NALCN: variants seen among roughly 807,000 people sequenced by gnomAD.
NALCN encodes the protein sodium leak channel NALCN.
Under a neutral mutation model 225.3 loss-of-function variants are expected in NALCN, and 111 were observed. The ratio of observed to expected loss-of-function variants is 0.49; its 90% CI spans 0.42 to 0.58. The LOEUF is 0.58. Ranked by LOEUF, NALCN falls within the 20% of genes least tolerant of loss-of-function variation. The pLI is 0.00. For missense variants in NALCN, 1,378 were observed against 2,202.4 expected (o/e 0.63, Z 7.49); for synonymous variants, 764 against 769.0 (o/e 0.99, Z 0.11).
intron 13 of NALCN, among the ~76,000 whole-genome samples, chr13:101,218,763 C>G (rs554653294): frequency 6.6e-6 from 1 of 152,226 alleles, no homozygotes; most frequent in Non-Finnish European, 1.5e-5. Context: ...CCTGCTTCCC[C>G]TTTGCCTTCT....
At chr13:101,369,900 G>A (rs1002374109) in intron 6 of NALCN, among the ~76,000 whole-genome samples, 6 of 152,050 alleles carry the variant, frequency 3.9e-5, no homozygotes, top group East Asian at 3.8e-4. Context: ...TTCTTACTCC[G>A]TATATGAACT....
intron 17 of NALCN, among the ~76,000 whole-genome samples, chr13:101,132,483 T>A (rs931373878): frequency 6.6e-6 from 1 of 152,152 alleles, no homozygotes; most frequent in African/African-American, 2.4e-5. Flanking sequence ...ATTTTATAGA[T>A]GCCCATTGCA....
At chr13:101,234,251 C>T (rs1226439779) in intron 12 of NALCN, among the ~76,000 whole-genome samples, 2 of 152,352 alleles carry the variant, frequency 1.3e-5, no homozygotes, top group East Asian at 1.9e-4. Flanking sequence ...TGGGAATCCT[C>T]TCTGCTTTGT....
rs2030872873 is a variant in NALCN at position 101,053,889 on chromosome 13, A to ATAGT, written c.*1402_*1405dup. On this transcript the variant is annotated 3_prime_UTR_variant, in exon 44 of 44. Transcript: ENST00000251127. ...CACATGACTGGTTGTTCTTTATCTC[A>ATAGT]TAGTTACAATGAATCATATAAACTG... 6.6e-6 allele frequency: 1 copy of ATAGT among 152,176 alleles called. No individual in the cohort carries two copies. Among genetic ancestry groups the ATAGT allele is most frequent in the African/African-American group, 2.4e-5 (1 of 41,438 alleles). The allele number at this position is 152,176 out of a possible 1,614,324, so 9.4% of individuals were successfully genotyped here. A position where few individuals can be genotyped will look rare whatever the true frequency, so the allele number is the denominator to read the frequency against.
chr13:101,110,473 A>G (rs2035367997), intron 20 of NALCN, 146 bp downstream of exon 20: 3 of 806,928 alleles, frequency 3.7e-6, no homozygotes, highest in East Asian at 2.7e-5. Context: ...CATAATTCAT[A>G]TCCTGAGTTT....
chr13:101,298,777 C>A (rs922884155), intron 7 of NALCN, among the ~76,000 whole-genome samples: 9 of 152,098 alleles, frequency 5.9e-5, no homozygotes, highest in Non-Finnish European at 1.0e-4. Flanking sequence ...GTAGCCACAC[C>A]CCTGACCTCT....
intron 37 of NALCN, among the ~76,000 whole-genome samples, chr13:101,073,031 C>G (rs1436490992): frequency 6.6e-6 from 1 of 152,120 alleles, no homozygotes; most frequent in African/African-American, 2.4e-5. Context: ...AACTATAGAG[C>G]AGCATAAGAA....
At chr13:101,074,849 G>T (rs1297321686) in intron 35 of NALCN, among the ~76,000 whole-genome samples, 187 bp from the exon 36 acceptor site, 4 of 152,104 alleles carry the variant, frequency 2.6e-5, no homozygotes, top group Non-Finnish European at 5.9e-5. Context: ...CTTTCTATAA[G>T]GTATTACATC....
intron 3 of NALCN, among the ~76,000 whole-genome samples, chr13:101,383,670 A>G (rs748667523): frequency 1.1e-4 from 17 of 152,228 alleles, no homozygotes; most frequent in Non-Finnish European, 2.5e-4. Context: ...GCATCCATCC[A>G]TCCATCTATT....
chr13:101,303,899 G>A (rs2044060324), intron 7 of NALCN, among the ~76,000 whole-genome samples: 1 of 152,116 alleles, frequency 6.6e-6, no homozygotes, highest in Non-Finnish European at 1.5e-5. Context: ...TGACTGGGAG[G>A]AATACAGAAA....
intron 11 of NALCN, among the ~76,000 whole-genome samples, chr13:101,241,800 T>G (rs879747475): frequency 8.2e-5 from 3 of 36,392 alleles, no homozygotes; most frequent in African/African-American, 1.8e-4. Flanking sequence ...TCCCATCCTT[T>G]CCCTCTGAGG....
At chr13:101,344,861 T>A (rs2045666680) in intron 7 of NALCN, among the ~76,000 whole-genome samples, 1 of 152,174 alleles carries the variant, frequency 6.6e-6, no homozygotes, top group Admixed American at 6.6e-5. Flanking sequence ...CATCAATACC[T>A]AGTATTACAG....
chr13:101,147,900 C>T (rs1169918272), intron 15 of NALCN, among the ~76,000 whole-genome samples: 1 of 152,090 alleles, frequency 6.6e-6, no homozygotes, highest in African/African-American at 2.4e-5. Context: ...GCTGGGTTCC[C>T]CTTTCTTCCT....
At chr13:101,324,722 C>G (rs937117410) in intron 7 of NALCN, among the ~76,000 whole-genome samples, 2 of 152,174 alleles carry the variant, frequency 1.3e-5, no homozygotes, top group Non-Finnish European at 2.9e-5. Context: ...CATCTGCAAA[C>G]AGGGACAATT....
At chr13:101,263,567 G>A (rs550986817) in intron 10 of NALCN, among the ~76,000 whole-genome samples, 11 of 152,262 alleles carry the variant, frequency 7.2e-5, no homozygotes, top group African/African-American at 1.9e-4. Flanking sequence ...TCCAAACAAA[G>A]CTTTTAGCCA....
chr13:101,112,408 A>ATTTTG (rs2035489722), intron 18 of NALCN, among the ~76,000 whole-genome samples: 1 of 152,202 alleles, frequency 6.6e-6, no homozygotes, highest in Admixed American at 6.5e-5. Flanking sequence ...GGTGTGAATG[A>ATTTTG]TTTTGGTGAG....
chr13:101,317,171 C>G (rs956107497), intron 7 of NALCN, among the ~76,000 whole-genome samples: 8 of 152,046 alleles, frequency 5.3e-5, no homozygotes, highest in African/African-American at 1.7e-4. Flanking sequence ...GAAAGTTGTT[C>G]TGAATCATTT....
At chr13:101,180,843 C>CTTTG in intron 14 of NALCN, 1 of 119,536 alleles carries the variant, frequency 8.4e-6, no homozygotes. Context: ...CACGCTTTGT[C>CTTTG]TCTCTCTCTC....
At chr13:101,313,889 T>C (rs966508039) in intron 7 of NALCN, among the ~76,000 whole-genome samples, 29 of 151,930 alleles carry the variant, frequency 1.9e-4, no homozygotes, top group African/African-American at 7.0e-4. Flanking sequence ...CTATTCACAA[T>C]AGCAAAGACT....
Sources: gnomAD v4.1 joint callset for allele counts (sites outside exome capture counted in the v4.1 genomes callset) on GRCh38, gnomAD v4.1.1 for gene constraint, MANE v1.5 for transcripts, NCBI Gene and HGNC (gene_info 2026-07-23, HGNC 2026-07-21) for gene names.